WWP2: variants seen among roughly 807,000 people sequenced by gnomAD.
WWP2 encodes NEDD4-like E3 ubiquitin-protein ligase WWP2.
Under a neutral mutation model 121.0 loss-of-function variants are expected in WWP2, and 57 were observed. The observed-to-expected ratio is 0.47, with a 90% CI of 0.38 to 0.59. WWP2 has a LOEUF of 0.59. Among genes scored for constraint, WWP2 ranks in the 20% least tolerant of loss-of-function variants. The pLI is 0.00. For synonymous variants in WWP2, 449 were observed against 441.3 expected (o/e 1.02, Z -0.22); for missense variants, 962 against 1,158.9 (o/e 0.83, Z 2.47).
In WWP2 at chr16:69,818,543, T is replaced by C. The variant is rs1567683205; in HGVS notation, c.340+19248T>C. On this transcript the variant is annotated intron_variant, in intron 4 of 23. Transcript: ENST00000359154. ...TTGAGGAACCTCCAGTGAGGTGTTC[T>C]GCTGCTCTGCTGCATTTGCTTGTCC... 2.0e-5 allele frequency among the ~76,000 whole-genome samples: 3 copies of C among 152,312 alleles called. No individual in the cohort carries two copies. In the East Asian group the frequency reaches 5.8e-4, roughly 29 times the overall value.
chr16:69,801,519 G>C (rs1362535793), intron 4 of WWP2, among the ~76,000 whole-genome samples: 1 of 151,910 alleles, frequency 6.6e-6, no homozygotes, highest in Admixed American at 6.6e-5. Flanking sequence ...ACAGATGCGA[G>C]CCACTGCGTC....
At chr16:69,924,881 G>GA in intron 10 of WWP2, 1 of 959,698 alleles carries the variant, frequency 1.0e-6, no homozygotes, top group Non-Finnish European at 1.2e-6. Context: ...ATGGGAGGTT[G>GA]GGGGGGACGC....
At chr16:69,769,046 CA>C (rs1436970578) in intron 1 of WWP2, among the ~76,000 whole-genome samples, 2 of 152,136 alleles carry the variant, frequency 1.3e-5, no homozygotes, top group East Asian at 3.9e-4. Flanking sequence ...AGGCTGGGCG[CA>C]GTGGCTCACG....
intron 6 of WWP2, among the ~76,000 whole-genome samples, chr16:69,862,604 T>C (rs1236219731): frequency 2.0e-5 from 3 of 151,668 alleles, no homozygotes; most frequent in Non-Finnish European, 4.4e-5. Flanking sequence ...TGAATACCAG[T>C]GGGCCTGAAT....
At chr16:69,890,655 A>T (rs1004216027) in intron 8 of WWP2, 1 of 151,718 alleles carries the variant, frequency 6.6e-6, no homozygotes, top group East Asian at 1.9e-4. Flanking sequence ...GGCCGGCCTC[A>T]CTCCTGTGTC....
Position 69,931,831 on chromosome 16 carries a change from C to G in WWP2, c.1623C>G (p.Arg541=). 6.2e-7 allele frequency: 1 copy of G among 1,613,764 alleles called. No homozygotes were observed. Among genetic ancestry groups the G allele is most frequent in the Non-Finnish European group, 8.5e-7 (1 of 1,180,022 alleles). ...QIMNMKPYDL[R]RRLYIIMRGE... is the part of the protein sequence containing the mutation. ...TGAACATGAAACCCTATGACCTGCGCCGCCGGCTCTACATCATCATGCGTG... is the reference window on the plus strand; with the variant it reads ...TGAACATGAAACCCTATGACCTGCGGCGCCGGCTCTACATCATCATGCGTG... Residue 541 remains arginine, a synonymous_variant, in exon 16 of 24, where the codon CGC becomes CGG. Coordinates refer to ENST00000359154, the MANE Select transcript of WWP2 (RefSeq NM_001270454.2).
At chr16:69,885,702 G>T (rs1195061575) in intron 7 of WWP2, among the ~76,000 whole-genome samples, 1 of 152,220 alleles carries the variant, frequency 6.6e-6, no homozygotes, top group Non-Finnish European at 1.5e-5. Flanking sequence ...TGTGAATTAG[G>T]TGCTATATGA....
chr16:69,862,593 T>C (rs948905175), intron 6 of WWP2, among the ~76,000 whole-genome samples: 1 of 152,098 alleles, frequency 6.6e-6, no homozygotes, highest in Non-Finnish European at 1.5e-5. Flanking sequence ...TTTGCTGAAC[T>C]TGAATACCAG....
intron 6 of WWP2, among the ~76,000 whole-genome samples, chr16:69,852,431 C>T (rs2057234488): frequency 6.6e-6 from 1 of 152,076 alleles, no homozygotes; most frequent in African/African-American, 2.4e-5. Context: ...GCCACCACGC[C>T]CAGCTAATTT....
chr16:69,781,818 C>T (rs2055670089), intron 1 of WWP2, among the ~76,000 whole-genome samples: 1 of 152,026 alleles, frequency 6.6e-6, no homozygotes, highest in Non-Finnish European at 1.5e-5. Context: ...CTTTGTACTC[C>T]ACATCCCAAG....
At chr16:69,894,774 G>C (rs1249003988) in intron 8 of WWP2, among the ~76,000 whole-genome samples, 1 of 152,156 alleles carries the variant, frequency 6.6e-6, no homozygotes. Flanking sequence ...CATTATCAAT[G>C]AGCCAACTGT....
rs778187696 is a variant in WWP2, at chr16:69,888,070, C to T, written c.735C>T (p.Pro245=). ...VNDEPTTATD[P]EEPSVVGVTS... is the part of the protein sequence containing the mutation. ...ATGAACCCACAACAGCCACTGATCC[C>T]GAAGAACCTTCCGTTGTTGGTGTGA... Residue 245 remains proline, a synonymous_variant, in exon 8 of 24, where the codon CCC becomes CCT. Coordinates refer to ENST00000359154, the MANE Select transcript of WWP2 (RefSeq NM_001270454.2). The T allele has an allele frequency of 2.5e-5, 41 of 1,614,078 alleles. No homozygotes were observed. The highest frequency in any genetic ancestry group is 1.6e-4 in the Middle Eastern group (1 of 6,084).
At chr16:69,819,247 C>T (rs573874588) in intron 4 of WWP2, among the ~76,000 whole-genome samples, 1 of 152,194 alleles carries the variant, frequency 6.6e-6, no homozygotes, top group South Asian at 2.1e-4. Context: ...TGGAACGGTT[C>T]TGAATGCAGC....
rs1567431277 is a variant in WWP2, at chr16:69,917,901, T to C, written c.1179+18T>C. 1.2e-6 allele frequency: 2 copies of C among 1,600,488 alleles called. No individual in the cohort carries two copies. Among genetic ancestry groups the C allele is most frequent in the Non-Finnish European group, 1.7e-6 (2 of 1,169,052 alleles). The stretch of plus-strand genomic sequence containing the variant: ...TCTACCAGGTGAGAGGGCAGGCGCT[T>C]GGCCCGAGGTGGGGCCGCCTCCCTG... On this transcript the variant is annotated intron_variant, in intron 10 of 23. Coordinates refer to ENST00000359154, the MANE Select transcript of WWP2 (RefSeq NM_001270454.2).
intron 5 of WWP2, among the ~76,000 whole-genome samples, chr16:69,841,449 T>G (rs1202404300): frequency 6.6e-6 from 1 of 152,018 alleles, no homozygotes; most frequent in Non-Finnish European, 1.5e-5. Context: ...ACAGAGGCAG[T>G]CAGCGTGGTT....
intron 4 of WWP2, among the ~76,000 whole-genome samples, chr16:69,804,541 C>T (rs772799446): frequency 1.1e-4 from 17 of 152,122 alleles, no homozygotes; most frequent in South Asian, 2.1e-4. Flanking sequence ...TTGAATCCAT[C>T]GTTTTATTAG....
intron 4 of WWP2, among the ~76,000 whole-genome samples, chr16:69,803,101 CT>C (rs929436117): frequency 2.1e-4 from 32 of 150,118 alleles, no homozygotes; most frequent in African/African-American, 2.9e-4. Context: ...AAAAAAAAGC[CT>C]TTTTTTTTCC....
intron 10 of WWP2, among the ~76,000 whole-genome samples, chr16:69,923,993 A>C (rs1190443736): frequency 2.0e-5 from 3 of 151,936 alleles, no homozygotes; most frequent in Non-Finnish European, 4.4e-5. Context: ...GTGATGGAGA[A>C]TTTTAGGCAC....
intron 9 of WWP2, 176 bp from the exon 10 acceptor site, chr16:69,917,533 G>A: frequency 3.3e-6 from 2 of 604,270 alleles, no homozygotes; most frequent in East Asian, 2.9e-5. Context: ...AGAGCTAATG[G>A]CAAGGAGGGA....
Sources: allele counts gnomAD v4.1 joint callset (sites outside exome capture counted in the v4.1 genomes callset), GRCh38; gene constraint gnomAD v4.1.1; transcripts MANE v1.5; gene names NCBI Gene and HGNC (gene_info 2026-07-23, HGNC 2026-07-21).